DIS3: variants seen among roughly 807,000 people sequenced by gnomAD.
DIS3 encodes DIS3 exosome endoribonuclease and 3'-5' exoribonuclease, also known as exosome complex exonuclease RRP44.
DIS3 carries 103 observed loss-of-function variants against 113.0 expected under a neutral mutation model. The ratio of observed to expected loss-of-function variants is 0.91; its 90% CI spans 0.78 to 1.07. The LOEUF (loss-of-function observed/expected upper bound fraction) is 1.07, where lower values mean the gene tolerates loss of function less well. Ranked by LOEUF, DIS3 falls within the 50% of genes least tolerant of loss-of-function variation. The probability of loss-of-function intolerance (pLI) is 0.00; values close to 1 mark genes in which losing one functional copy is unlikely to be tolerated. For synonymous variants in DIS3, 402 were observed against 394.3 expected, an observed-to-expected ratio of 1.02 and a Z score of -0.23; for missense variants, 1,121 against 1,167.1, an observed-to-expected ratio of 0.96 and a Z score of 0.58.
chr13:72,767,687 T>A (rs2033785192), intron 14 of DIS3, among the ~76,000 whole-genome samples: 1 of 152,232 alleles, frequency 6.6e-6, no homozygotes, highest in Admixed American at 6.5e-5. Flanking sequence ...ATGTGGCTAT[T>A]GAGCACTTGA....
At position 72,752,675 on chromosome 13, in the gene DIS3, C is replaced by T. The variant is rs563482045; in HGVS notation, c.*7120G>A. ...AAGGCTTTTCCCCAAAAATGTTACA[C>T]ATCACAAGGCTTTTGTTCTAATTGG... On this transcript the variant is annotated 3_prime_UTR_variant, in exon 21 of 21. Transcript: ENST00000377767. 1 of 152,160 alleles carries T rather than the reference C, an allele frequency of 6.6e-6. No homozygotes were observed. Among genetic ancestry groups the T allele is most frequent in the Non-Finnish European group, 1.5e-5 (1 of 68,032 alleles). The allele number at this position is 152,160 out of a possible 1,614,324, so 9.4% of individuals were successfully genotyped here. A position where few individuals can be genotyped will look rare whatever the true frequency, so the allele number is the denominator to read the frequency against.
At chr13:72,762,579 A>G (rs747172882) in intron 16 of DIS3, among the ~76,000 whole-genome samples, 6 of 152,144 alleles carry the variant, frequency 3.9e-5, no homozygotes, top group Non-Finnish European at 7.3e-5. Context: ...GCAGTCCAAC[A>G]TTACTGCTCC....
At chr13:72,765,594 C>T (rs1048074553) in intron 15 of DIS3, among the ~76,000 whole-genome samples, 8 of 152,166 alleles carry the variant, frequency 5.3e-5, no homozygotes, top group African/African-American at 1.7e-4. Context: ...ACCGATCTGA[C>T]AGAAGGCAGA....
Position 72,757,739 on chromosome 13 carries a change from T to TAA in DIS3, c.*2054_*2055dup, listed in dbSNP as rs2033525659. On this transcript the variant is annotated 3_prime_UTR_variant, in exon 21 of 21. Coordinates refer to ENST00000377767, the MANE Select transcript of DIS3 (RefSeq NM_014953.5). ...ACCGCACCTAGCCGGCAAACTTTTT[T>TAA]AAATGGTTGGCGGGGGTGGGGGAAA... The TAA allele has an allele frequency of 5.2e-6, 1 of 190,548 alleles. No homozygotes were observed. Among genetic ancestry groups the TAA allele is most frequent in the Admixed American group, 6.1e-5 (1 of 16,294 alleles). 11.8% of individuals were successfully genotyped at this position (190,548 alleles called of 1,614,324 possible).
Position 72,753,682 on chromosome 13 carries a change from C to G in DIS3, c.*6113G>C, listed in dbSNP as rs778269922. 106 of 1,592,022 alleles carry G rather than the reference C, an allele frequency of 6.7e-5. No individual in the cohort carries two copies. Among genetic ancestry groups the G allele is most frequent in the Non-Finnish European group, 8.4e-5 (99 of 1,171,612 alleles). On this transcript the variant is annotated 3_prime_UTR_variant, in exon 21 of 21. Coordinates refer to ENST00000377767, the MANE Select transcript of DIS3 (RefSeq NM_014953.5). ...CACAATATATTTTTTTCTTTTTTCTCCTGTCAGATGGATAGTGGCTATAAT... is the reference window on the plus strand; with the variant it reads ...CACAATATATTTTTTTCTTTTTTCTGCTGTCAGATGGATAGTGGCTATAAT...
At position 72,775,208 on chromosome 13, in the gene DIS3, T is replaced by G. The variant is rs367663762; in HGVS notation, c.987+3A>C. ...CAAAAAAAAATCCTGCTTAGATTCA[T>G]ACCATTCGTTCTGTCTCTTCTTCTT... On this transcript the variant is annotated splice_donor_region_variant and intron_variant, in intron 6 of 20. Coordinates refer to ENST00000377767, the MANE Select transcript of DIS3 (RefSeq NM_014953.5). 1.9e-6 allele frequency: 3 copies of G among 1,610,304 alleles called. No homozygotes were observed. The African/African-American group carries it at 4.0e-5, about 22-fold the overall frequency.
In DIS3 at chr13:72,756,076, T is replaced by C; in HGVS notation, c.*3719A>G. On this transcript the variant is annotated 3_prime_UTR_variant, in exon 21 of 21. Transcript: ENST00000377767. ...TTTTTTAAAAAACTTATATCCATGT[T>C]GGGAGTAGATGGGTATATAACAGTT... is the stretch of plus-strand genomic sequence containing the variant. 4 of 397,708 alleles carry C rather than the reference T, an allele frequency of 1.0e-5. No homozygotes were observed. Among genetic ancestry groups the C allele is most frequent in the Non-Finnish European group, 1.8e-5 (4 of 225,740 alleles). 24.6% of individuals were successfully genotyped at this position (397,708 alleles called of 1,614,324 possible). A position where few individuals can be genotyped will look rare whatever the true frequency, so the allele number is the denominator to read the frequency against.
In DIS3 at chr13:72,752,632, A is replaced by C. The variant is rs924300140; in HGVS notation, c.*7163T>G. 4 of 152,240 alleles carry C rather than the reference A, an allele frequency of 2.6e-5. No homozygotes were observed. The highest frequency in any genetic ancestry group is 9.6e-5 in the African/African-American group (4 of 41,454). 9.4% of individuals were successfully genotyped at this position (152,240 alleles called of 1,614,324 possible). ...CATTTATATTTTTGATCAAGTAGCT[A>C]TTGAATGATAGCAGAACAAGGCTTT... is the stretch of plus-strand genomic sequence containing the variant. On this transcript the variant is annotated 3_prime_UTR_variant, in exon 21 of 21. Transcript: ENST00000377767.
Position 72,771,137 on chromosome 13 carries a change from G to C in DIS3, c.1614C>G (p.Asp538Glu), listed in dbSNP as rs1327518040. 6.2e-7 allele frequency: 1 copy of C among 1,613,268 alleles called. No homozygotes were observed. Among genetic ancestry groups the C allele is most frequent in the East Asian group, 2.2e-5 (1 of 44,792 alleles). The change falls in exon 12 of 21, where the codon GAC becomes GAG. Residue 538 changes from aspartate to glutamate, a missense_variant. This residue lies in a region of DIS3 where 861 missense variants were observed against 915.5 expected (regional missense o/e 0.94). Coordinates refer to ENST00000377767, the MANE Select transcript of DIS3 (RefSeq NM_014953.5). ...TAGAGCTAAGCAACTCTGGAACCAT[G>C]TCAATCCTCTGCAAAAGATAAAAAT... is the stretch of plus-strand genomic sequence containing the variant. ...TTVYLCEKRIDMVPELLSSNL... is the reference protein window; with the variant it reads ...TTVYLCEKRIEMVPELLSSNL...
rs1019026955 is a variant in DIS3 at position 72,755,313 on chromosome 13, C to T, written c.*4482G>A. On this transcript the variant is annotated 3_prime_UTR_variant, in exon 21 of 21. Coordinates refer to ENST00000377767, the MANE Select transcript of DIS3 (RefSeq NM_014953.5). ...GATGGTGACTGGGAAAAAATTACTT[C>T]AAGTAACATGCTTAGCTTTCCCTCC... is the stretch of plus-strand genomic sequence containing the variant. 6.2e-5 allele frequency: 62 copies of T among 1,004,894 alleles called. No homozygotes were observed. The highest frequency in any genetic ancestry group is 8.8e-5 in the Non-Finnish European group (58 of 658,972). The allele number at this position is 1,004,894 out of a possible 1,614,324, so 62.2% of individuals were successfully genotyped here. A position where few individuals can be genotyped will look rare whatever the true frequency, so the allele number is the denominator to read the frequency against.
Position 72,781,891 on chromosome 13 carries a change from T to C in DIS3, c.-59A>G. 7.0e-7 allele frequency: 1 copy of C among 1,427,554 alleles called. No homozygotes were observed. The highest frequency in any genetic ancestry group is 9.4e-7 in the Non-Finnish European group (1 of 1,067,168). 88.4% of individuals were successfully genotyped at this position (1,427,554 alleles called of 1,614,324 possible). Reference sequence around the variant, plus strand: ...GCGCTCTTCCAGCAAAAGGCGTCAATCTAGAATACGCCTAACCCCGGAGGT... The same window carrying C: ...GCGCTCTTCCAGCAAAAGGCGTCAACCTAGAATACGCCTAACCCCGGAGGT... On this transcript the variant is annotated 5_prime_UTR_variant, in exon 1 of 21. Coordinates refer to ENST00000377767, the MANE Select transcript of DIS3 (RefSeq NM_014953.5).
Position 72,780,320 on chromosome 13 carries a change from C to A in DIS3, c.386+526G>T, listed in dbSNP as rs1319171027. Among the ~76,000 whole-genome samples, 3 of 96,048 alleles carry A rather than the reference C, an allele frequency of 3.1e-5. No homozygotes were observed. In the East Asian group the frequency reaches 9.0e-4, roughly 29 times the overall value. The allele number at this position is 96,048 out of a possible 152,430, so 63.0% of individuals were successfully genotyped here. A position where few individuals can be genotyped will look rare whatever the true frequency, so the allele number is the denominator to read the frequency against. ...CAGCCTGGGTGACAGAGTGAGACTCCATCTCAAAAAAAAAAAAAAAAAAAA... is the reference window on the plus strand; with the variant it reads ...CAGCCTGGGTGACAGAGTGAGACTCAATCTCAAAAAAAAAAAAAAAAAAAA... On this transcript the variant is annotated intron_variant, in intron 2 of 20. Transcript: ENST00000377767.
In DIS3 at chr13:72,781,020, G is replaced by C. The variant is rs1290163449; in HGVS notation, c.229-17C>G. Reference sequence around the variant, plus strand: ...AACATCAATCTTAAAGAAAGATAAAGTTAATTTTTCCTATATTCATTTGTA... The same window carrying C: ...AACATCAATCTTAAAGAAAGATAAACTTAATTTTTCCTATATTCATTTGTA... On this transcript the variant is annotated splice_polypyrimidine_tract_variant and intron_variant, in intron 1 of 20. Coordinates refer to ENST00000377767, the MANE Select transcript of DIS3 (RefSeq NM_014953.5). The C allele has an allele frequency of 3.8e-6, 6 of 1,584,662 alleles. No homozygotes were observed. The highest frequency in any genetic ancestry group is 5.1e-6 in the Non-Finnish European group (6 of 1,169,128).
intron 5 of DIS3, 124 bp downstream of exon 5, chr13:72,775,801 T>A: frequency 1.1e-6 from 1 of 872,940 alleles, no homozygotes; most frequent in South Asian, 2.2e-5. Flanking sequence ...AGAAAAAAGT[T>A]ACTATTTGCT....
chr13:72,761,768 C>T lies in DIS3; in HGVS notation c.2389G>A (p.Ala797Thr). The change falls in exon 18 of 21, where the codon GCT becomes ACT. Residue 797 changes from alanine (A) to threonine (T), a missense_variant. Coordinates refer to ENST00000377767, the MANE Select transcript of DIS3 (RefSeq NM_014953.5). ...VHRLLAVAIG[A>T]DCTYPELTDK... ...GTCAACTCTGGATAAGTACAGTCAG[C>T]CCCAATAGCCACAGCCAAAAGCCGA... 2 of 1,613,362 alleles carry T rather than the reference C, an allele frequency of 1.2e-6. No homozygotes were observed. Among genetic ancestry groups the T allele is most frequent in the Non-Finnish European group, 8.5e-7 (1 of 1,179,878 alleles).
rs2034242676 is a variant in DIS3 at position 72,781,743 on chromosome 13, G to A, written c.90C>T (p.Gly30=). ...ACGCTGCGCACCCGGGCGCACCGCAGCCGATGTCGTCTCGCAGGTAGTGCT... is the reference window on the plus strand; with the variant it reads ...ACGCTGCGCACCCGGGCGCACCGCAACCGATGTCGTCTCGCAGGTAGTGCT... The part of the protein sequence containing the change: ...VREHYLRDDI[G]CGAPGCAACG... Residue 30 remains glycine, a synonymous_variant, in exon 1 of 21, where the codon GGC becomes GGT. Coordinates refer to ENST00000377767, the MANE Select transcript of DIS3 (RefSeq NM_014953.5). The A allele has an allele frequency of 6.3e-7, 1 of 1,595,120 alleles. No homozygotes were observed. Among genetic ancestry groups the A allele is most frequent in the Non-Finnish European group, 8.5e-7 (1 of 1,171,514 alleles).
chr13:72,766,779 A>C (rs556649325), intron 14 of DIS3, among the ~76,000 whole-genome samples: 2 of 152,306 alleles, frequency 1.3e-5, no homozygotes, highest in African/African-American at 4.8e-5. Flanking sequence ...AATCAACCTA[A>C]AACTAAAAAT....
intron 1 of DIS3, 25 bp downstream of exon 1, chr13:72,781,580 G>A (rs1439123636): frequency 6.7e-7 from 1 of 1,485,546 alleles, no homozygotes. Flanking sequence ...GGGCCGCGCT[G>A]TCCGCGGTTC....
At position 72,754,047 on chromosome 13, in the gene DIS3, G is replaced by A. The variant is rs922574472; in HGVS notation, c.*5748C>T. On this transcript the variant is annotated 3_prime_UTR_variant, in exon 21 of 21. Coordinates refer to ENST00000377767, the MANE Select transcript of DIS3 (RefSeq NM_014953.5). ...CAAAGGTAGCGTGTATTTGATGAGG[G>A]CATTTACTGAACCTTCCAGGTGGTG... 7.2e-6 allele frequency: 3 copies of A among 415,516 alleles called. No homozygotes were observed. The highest frequency in any genetic ancestry group is 6.1e-5 in the African/African-American group (3 of 48,884). 25.7% of individuals were successfully genotyped at this position (415,516 alleles called of 1,614,324 possible).
Sources: gnomAD v4.1 joint callset for allele counts (sites outside exome capture counted in the v4.1 genomes callset) on GRCh38, gnomAD v4.1.1 for gene constraint, gnomAD v4.1.1 regional missense constraint, MANE v1.5 for transcripts, NCBI Gene and HGNC (gene_info 2026-07-23, HGNC 2026-07-21) for gene names.